Variants in KAT2B observed in about 807,000 individuals in gnomAD.
KAT2B encodes the protein lysine acetyltransferase 2B.
KAT2B carries 36 observed loss-of-function variants against 105.9 expected under a neutral mutation model. The observed-to-expected ratio is 0.34, with a 90% CI of 0.26 to 0.45. The LOEUF is 0.45. KAT2B is among the 20% of genes least tolerant of loss of function. The probability of loss-of-function intolerance (pLI) is 1.00; values close to 1 mark genes in which losing one functional copy is unlikely to be tolerated. For missense variants in KAT2B, 820 were observed against 1,021.6 expected, an observed-to-expected ratio of 0.80 and a Z score of 2.69; for synonymous variants, 397 against 377.9, an observed-to-expected ratio of 1.05 and a Z score of -0.59.
chr3:20,131,162 T>A (rs1320260002), intron 11 of KAT2B, among the ~76,000 whole-genome samples: 1 of 151,716 alleles, frequency 6.6e-6, no homozygotes, highest in Non-Finnish European at 1.5e-5. Context: ...ATTACAGGTG[T>A]CAGCCACCAT....
intron 1 of KAT2B, among the ~76,000 whole-genome samples, chr3:20,060,804 G>T (rs760862078): frequency 1.2e-4 from 18 of 152,024 alleles, no homozygotes; most frequent in Non-Finnish European, 2.4e-4. Flanking sequence ...AATTATCCAG[G>T]TGTAGAGGTA....
intron 4 of KAT2B, 163 bp from the exon 5 acceptor site, chr3:20,101,124 C>T (rs1698902103): frequency 1.7e-6 from 1 of 600,920 alleles, no homozygotes; most frequent in Admixed American, 3.0e-5. Flanking sequence ...GCAAGATTCC[C>T]TCTGGGGATT....
intron 13 of KAT2B, 107 bp from the exon 14 acceptor site, chr3:20,146,209 T>G: frequency 1.4e-6 from 1 of 689,986 alleles, no homozygotes; most frequent in South Asian, 1.7e-5. Flanking sequence ...CCATCTTATT[T>G]CATAAAAAAG....
At chr3:20,045,050 T>C (rs1697784111) in intron 1 of KAT2B, among the ~76,000 whole-genome samples, 1 of 152,290 alleles carries the variant, frequency 6.6e-6, no homozygotes, top group East Asian at 1.9e-4. Context: ...GGTCTCGCTC[T>C]GTCACCCTGG....
In KAT2B at chr3:20,082,891, A is replaced by G. The variant is rs186450404; in HGVS notation, c.430+10432A>G. 5.3e-5 allele frequency among the ~76,000 whole-genome samples: 8 copies of G among 152,324 alleles called. No individual in the cohort carries two copies. The East Asian group carries it at 7.7e-4, about 15-fold the overall frequency. On this transcript the variant is annotated intron_variant, in intron 2 of 17. Coordinates refer to ENST00000263754, the MANE Select transcript of KAT2B (RefSeq NM_003884.5). ...AGACTAACATCTTAAAAACCAAGCA[A>G]AGGAACTCAAATTGGCAGGTACACA...
Position 20,099,910 on chromosome 3 carries a change from T to C in KAT2B, c.625T>C (p.Ser209Pro), listed in dbSNP as rs764031294. ...LQRGKPVVEG[S>P]LEKKPPFEKP... ...AAGAGGAAAACCTGTGGTTGAAGGC[T>C]CTTTGGAAAAGAAACCCCCATTTGA... Residue 209 changes from serine (S) to proline (P), a missense_variant, in exon 4 of 18, where the codon TCT (serine) becomes CCT (proline). By Grantham distance (74) the Ser-to-Pro change is moderately conservative. Coordinates refer to ENST00000263754, the MANE Select transcript of KAT2B (RefSeq NM_003884.5). The C allele has an allele frequency of 6.2e-7, 1 of 1,609,862 alleles. No homozygotes were observed. Among genetic ancestry groups the C allele is most frequent in the South Asian group, 1.1e-5 (1 of 90,966 alleles).
chr3:20,078,101 C>A (rs1698451474), intron 2 of KAT2B, among the ~76,000 whole-genome samples: 1 of 152,044 alleles, frequency 6.6e-6, no homozygotes, highest in Admixed American at 6.6e-5. Flanking sequence ...ATGGCCTGAG[C>A]CTGGGAGGCA....
chr3:20,140,216 T>C lies in KAT2B; in HGVS notation c.1861-5T>C. The C allele has an allele frequency of 6.3e-7, 1 of 1,583,212 alleles. No individual in the cohort carries two copies. Among genetic ancestry groups the C allele is most frequent in the Non-Finnish European group, 8.7e-7 (1 of 1,152,408 alleles). The stretch of plus-strand genomic sequence containing the variant: ...TTCATATGAATGAATTTACTTGCTT[T>C]TCAGGGTTTCTCCAAAGAAATTAAA... On this transcript the variant is annotated splice_region_variant and splice_polypyrimidine_tract_variant and intron_variant, in intron 12 of 17. Coordinates refer to ENST00000263754, the MANE Select transcript of KAT2B (RefSeq NM_003884.5).
chr3:20,074,432 T>G (rs1257160092), intron 2 of KAT2B, among the ~76,000 whole-genome samples: 1 of 152,128 alleles, frequency 6.6e-6, no homozygotes, highest in African/African-American at 2.4e-5. Context: ...AACTCTGAAA[T>G]GGGTTAATAC....
intron 5 of KAT2B, among the ~76,000 whole-genome samples, 188 bp downstream of exon 5, chr3:20,101,656 G>A (rs1254223367): frequency 6.6e-6 from 1 of 152,124 alleles, no homozygotes; most frequent in African/African-American, 2.4e-5. Context: ...TGAGGTGTGA[G>A]GGATGTAAAT....
intron 13 of KAT2B, among the ~76,000 whole-genome samples, chr3:20,144,940 C>T (rs1455271292): frequency 3.3e-5 from 5 of 152,008 alleles, no homozygotes; most frequent in Non-Finnish European, 2.9e-5. Context: ...GGATTACAGG[C>T]GTGCACTACC....
intron 2 of KAT2B, among the ~76,000 whole-genome samples, chr3:20,086,501 T>C (rs1426687241): frequency 6.6e-6 from 1 of 152,002 alleles, no homozygotes; most frequent in African/African-American, 2.4e-5. Flanking sequence ...CTTGGAAGGC[T>C]GAGGTCAGAG....
At position 20,046,019 on chromosome 3, in the gene KAT2B, G is replaced by C. The variant is rs183407953; in HGVS notation, c.303+5239G>C. Among the ~76,000 whole-genome samples, 259 of 152,306 alleles carry C rather than the reference G, an allele frequency of 1.7e-3. 1 individual carries two copies. The highest frequency in any genetic ancestry group is 5.9e-3 in the African/African-American group (246 of 41,568). The stretch of plus-strand genomic sequence containing the variant: ...TGTGATCTTAGGCACAGGTCACTTA[G>C]TTTTTCTCTGAGCCTCAATGACTGC... On this transcript the variant is annotated intron_variant, in intron 1 of 17. Coordinates refer to ENST00000263754, the MANE Select transcript of KAT2B (RefSeq NM_003884.5).
intron 14 of KAT2B, 143 bp downstream of exon 14, chr3:20,146,573 CA>C (rs1476694824): frequency 3.4e-6 from 2 of 581,436 alleles, no homozygotes; most frequent in African/African-American, 3.7e-5. Context: ...AAGAAGGCAG[CA>C]AATGTTACCC....
chr3:20,071,986 G>C (rs1358128492), intron 1 of KAT2B, among the ~76,000 whole-genome samples: 1 of 152,170 alleles, frequency 6.6e-6, no homozygotes, highest in East Asian at 1.9e-4. Flanking sequence ...GACATCAGGA[G>C]TCTGGCTTGT....
intron 17 of KAT2B, among the ~76,000 whole-genome samples, chr3:20,151,493 A>G (rs1699869395): frequency 6.6e-6 from 1 of 152,010 alleles, no homozygotes; most frequent in African/African-American, 2.4e-5. Flanking sequence ...TAATACAATT[A>G]TAGCTTTTAA....
chr3:20,132,535 A>G (rs1245525797), intron 11 of KAT2B, among the ~76,000 whole-genome samples: 1 of 152,200 alleles, frequency 6.6e-6, no homozygotes, highest in African/African-American at 2.4e-5. Flanking sequence ...AAACAAGGGG[A>G]AATAGGTCTG....
intron 2 of KAT2B, among the ~76,000 whole-genome samples, chr3:20,089,471 G>A (rs1323683695): frequency 1.4e-5 from 2 of 146,614 alleles, no homozygotes; most frequent in African/African-American, 2.5e-5. Context: ...CGCAATCTCA[G>A]CTCACTGCAA....
At chr3:20,046,191 C>T (rs1336488111) in intron 1 of KAT2B, among the ~76,000 whole-genome samples, 1 of 152,190 alleles carries the variant, frequency 6.6e-6, no homozygotes, top group Non-Finnish European at 1.5e-5. Flanking sequence ...AGTCAGTGGC[C>T]ACAAAGCATT....
Sources: gnomAD v4.1 joint callset for allele counts (sites outside exome capture counted in the v4.1 genomes callset) on GRCh38, gnomAD v4.1.1 for gene constraint, MANE v1.5 for transcripts, NCBI Gene and HGNC (gene_info 2026-07-23, HGNC 2026-07-21) for gene names.